Variants in PTPRD observed in about 807,000 individuals in gnomAD.
PTPRD encodes receptor-type tyrosine-protein phosphatase delta.
In PTPRD, 34 loss-of-function variants were observed where a neutral mutation model predicts 214.5. That is an observed-to-expected ratio of 0.16 (90% confidence interval 0.12 to 0.21). PTPRD has a LOEUF of 0.21. Among genes scored for constraint, PTPRD ranks in the 10% least tolerant of loss-of-function variants. PTPRD has a pLI of 1.00. For synonymous variants in PTPRD, 1,128 were observed against 845.7 expected, an observed-to-expected ratio of 1.33 and a Z score of -5.79; for missense variants, 2,545 against 2,398.7, an observed-to-expected ratio of 1.06 and a Z score of -1.27.
At chr9:8,534,296 C>G (rs1442331564) in intron 14 of PTPRD, among the ~76,000 whole-genome samples, 1 of 151,794 alleles carries the variant, frequency 6.6e-6, no homozygotes, top group Non-Finnish European at 1.5e-5. Context: ...CACAATAGAA[C>G]ACGTATCTAT....
chr9:8,953,703 TTC>T (rs553819546), intron 11 of PTPRD, among the ~76,000 whole-genome samples: 11 of 152,134 alleles, frequency 7.2e-5, no homozygotes, highest in African/African-American at 2.6e-4. Flanking sequence ...GAACAGACAC[TTC>T]TTAACAGAAG....
intron 2 of PTPRD, among the ~76,000 whole-genome samples, chr9:10,469,809 G>A (rs1362254574): frequency 1.3e-5 from 2 of 151,994 alleles, no homozygotes; most frequent in Admixed American, 1.3e-4. Context: ...ATACATAATG[G>A]AATATTATTC....
chr9:9,611,039 T>C (rs764614258), intron 7 of PTPRD, among the ~76,000 whole-genome samples: 1 of 152,178 alleles, frequency 6.6e-6, no homozygotes, highest in African/African-American at 2.4e-5. Flanking sequence ...CTTAATTTTG[T>C]GTGTAATTCT....
chr9:9,113,133 TA>T (rs202148162), intron 10 of PTPRD, among the ~76,000 whole-genome samples: 2 of 150,688 alleles, frequency 1.3e-5, no homozygotes, highest in African/African-American at 4.9e-5. Flanking sequence ...CCCGGCTAAT[TA>T]AAAAATATAT....
intron 7 of PTPRD, among the ~76,000 whole-genome samples, chr9:9,644,378 T>A (rs2096073662): frequency 6.6e-6 from 1 of 152,178 alleles, no homozygotes; most frequent in African/African-American, 2.4e-5. Flanking sequence ...ACCAGTATCA[T>A]CAATCATGAC....
chr9:9,580,297 T>C (rs940393499), intron 7 of PTPRD, among the ~76,000 whole-genome samples: 2 of 152,136 alleles, frequency 1.3e-5, no homozygotes, highest in African/African-American at 4.8e-5. Flanking sequence ...CTGTTTTCCA[T>C]AGAGGTTGTA....
chr9:9,254,054 T>G (rs2099976639), intron 9 of PTPRD, among the ~76,000 whole-genome samples: 2 of 152,240 alleles, frequency 1.3e-5, no homozygotes, highest in South Asian at 2.1e-4. Flanking sequence ...TACCTATCAT[T>G]GGATTTAGGC....
intron 3 of PTPRD, among the ~76,000 whole-genome samples, chr9:10,199,298 T>C (rs2099410242): frequency 6.6e-6 from 1 of 152,156 alleles, no homozygotes; most frequent in South Asian, 2.1e-4. Context: ...ATGACAATTC[T>C]CACTGAGAAA....
At chr9:9,609,889 A>G (rs2094425911) in intron 7 of PTPRD, among the ~76,000 whole-genome samples, 1 of 152,226 alleles carries the variant, frequency 6.6e-6, no homozygotes, top group Non-Finnish European at 1.5e-5. Flanking sequence ...AAAAGTAGAT[A>G]ACTAATTTAT....
intron 3 of PTPRD, among the ~76,000 whole-genome samples, chr9:10,223,490 C>T (rs1387957255): frequency 6.6e-6 from 1 of 151,682 alleles, no homozygotes; most frequent in African/African-American, 2.4e-5. Flanking sequence ...GTGGCAAAAC[C>T]CTGTCTTTAC....
At chr9:9,527,806 C>A (rs1259506298) in intron 8 of PTPRD, among the ~76,000 whole-genome samples, 1 of 152,080 alleles carries the variant, frequency 6.6e-6, no homozygotes, top group South Asian at 2.1e-4. Context: ...CTGTGTTTGT[C>A]CTTTTAGACT....
At chr9:9,551,765 C>T (rs150701471) in intron 8 of PTPRD, among the ~76,000 whole-genome samples, 2,509 of 152,048 alleles carry the variant, frequency 0.017, 40 homozygotes, top group Admixed American at 0.026. Flanking sequence ...CTAAGCCCCA[C>T]CAGATTGTAC....
intron 9 of PTPRD, among the ~76,000 whole-genome samples, chr9:9,288,450 A>T (rs1313568834): frequency 6.6e-6 from 1 of 151,900 alleles, no homozygotes; most frequent in African/African-American, 2.4e-5. Context: ...ACACGTAAAG[A>T]TCAGAGTATT....
intron 12 of PTPRD, among the ~76,000 whole-genome samples, chr9:8,652,497 C>T (rs1596129368): frequency 6.6e-6 from 1 of 152,336 alleles, no homozygotes; most frequent in East Asian, 1.9e-4. Flanking sequence ...AGCCTCTTGC[C>T]AGACTAAGAC....
chr9:9,265,691 A>T (rs1034131110), intron 9 of PTPRD, among the ~76,000 whole-genome samples: 2 of 151,462 alleles, frequency 1.3e-5, no homozygotes, highest in African/African-American at 4.8e-5. Flanking sequence ...CAGATTAACA[A>T]AAAAAAGCAA....
chr9:9,931,351 G>C (rs140713680), intron 5 of PTPRD, among the ~76,000 whole-genome samples: 5,911 of 151,972 alleles, frequency 0.039, 235 homozygotes, highest in East Asian at 0.22. Flanking sequence ...GACAGTGGGC[G>C]CAGGTCAGTG....
At chr9:8,602,338 C>T (rs2094919317) in intron 14 of PTPRD, among the ~76,000 whole-genome samples, 1 of 152,144 alleles carries the variant, frequency 6.6e-6, no homozygotes, top group African/African-American at 2.4e-5. Flanking sequence ...TGAGACTTCA[C>T]ACTACCTTGT....
intron 35 of PTPRD, among the ~76,000 whole-genome samples, chr9:8,426,732 GA>G (rs145393052): frequency 1.4e-5 from 2 of 147,552 alleles, no homozygotes; most frequent in African/African-American, 5.0e-5. Context: ...ACTCCCACAA[GA>G]AAAAAACAAA....
intron 11 of PTPRD, among the ~76,000 whole-genome samples, chr9:8,738,225 G>T (rs1292298231): frequency 6.6e-6 from 1 of 152,132 alleles, no homozygotes; most frequent in Non-Finnish European, 1.5e-5. Context: ...TTGCCTAAAA[G>T]CCTTAACAAA....
Sources: allele counts gnomAD v4.1 joint callset (sites outside exome capture counted in the v4.1 genomes callset), GRCh38; gene constraint gnomAD v4.1.1; transcripts MANE v1.5; gene names NCBI Gene and HGNC (gene_info 2026-07-23, HGNC 2026-07-21).